SMYD4: variants seen among roughly 807,000 people sequenced by gnomAD.
SMYD4 encodes the protein protein-lysine N-methyltransferase SMYD4.
Under a neutral mutation model 72.8 loss-of-function variants are expected in SMYD4, and 68 were observed. The observed-to-expected ratio is 0.93, with a 90% CI of 0.77 to 1.14. The LOEUF is 1.14. SMYD4 is among the 50% of genes most tolerant of loss of function. The pLI, the probability that SMYD4 is intolerant of heterozygous loss-of-function variation, is 0.00. For missense variants in SMYD4, 984 were observed against 1,003.7 expected (o/e 0.98, Z 0.27); for synonymous variants, 407 against 388.6 (o/e 1.05, Z -0.56).
At chr17:1,796,440 G>T (rs1909416106) in intron 5 of SMYD4, among the ~76,000 whole-genome samples, 1 of 149,312 alleles carries the variant, frequency 6.7e-6, no homozygotes, top group Non-Finnish European at 1.5e-5. Flanking sequence ...CTGGCTTCAG[G>T]TATTCTTTTT....
intron 2 of SMYD4, among the ~76,000 whole-genome samples, chr17:1,814,089 T>C (rs1035828191): frequency 4.7e-4 from 72 of 152,102 alleles, no homozygotes; most frequent in African/African-American, 1.7e-3. Flanking sequence ...AGAGGGAAGA[T>C]TGCCTGAGCT....
chr17:1,815,308 C>T (rs547235198), intron 2 of SMYD4, among the ~76,000 whole-genome samples: 78 of 152,090 alleles, frequency 5.1e-4, no homozygotes, highest in African/African-American at 1.6e-3. Context: ...ATGATCCACC[C>T]GCCTTGGCCT....
At chr17:1,815,482 G>A (rs1035093206) in intron 2 of SMYD4, among the ~76,000 whole-genome samples, 1 of 149,616 alleles carries the variant, frequency 6.7e-6, no homozygotes, top group Non-Finnish European at 1.5e-5. Context: ...TTACAGGTGT[G>A]AGTCACTGCA....
At chr17:1,784,150 C>T (rs919401172) in intron 8 of SMYD4, among the ~76,000 whole-genome samples, 176 bp downstream of exon 8, 13 of 152,242 alleles carry the variant, frequency 8.5e-5, no homozygotes, top group Non-Finnish European at 1.2e-4. Context: ...AAGGGCCCCA[C>T]AGTAACAAAG....
Position 1,783,078 on chromosome 17 carries a change from T to G in SMYD4, c.2218A>C (p.Met740Leu). The change falls in exon 10 of 11, where the codon ATG (methionine) becomes CTG (leucine). Residue 740 changes from methionine to leucine, a missense_variant. Transcript: ENST00000305513. Reference sequence around the variant, plus strand: ...GCCAATTTGAAGAGCTCATGGCCCATTTCAACACTGGACGGCCCGTGGCGA... The same window carrying G: ...GCCAATTTGAAGAGCTCATGGCCCAGTTCAACACTGGACGGCCCGTGGCGA... ...EVRHGPSSVE[M>L]GHELFKLAQI... 6.2e-7 allele frequency: 1 copy of G among 1,614,182 alleles called. No individual in the cohort carries two copies. Among genetic ancestry groups the G allele is most frequent in the East Asian group, 2.2e-5 (1 of 44,880 alleles).
At chr17:1,814,125 G>A (rs147708420) in intron 2 of SMYD4, among the ~76,000 whole-genome samples, 321 of 151,830 alleles carry the variant, frequency 2.1e-3, no homozygotes, top group Middle Eastern at 0.01. Context: ...GGCAACATGG[G>A]AAGACCCTGT....
intron 5 of SMYD4, among the ~76,000 whole-genome samples, chr17:1,794,103 A>ATTTTTT (rs1909254322): frequency 1.4e-4 from 2 of 14,790 alleles, no homozygotes; most frequent in Non-Finnish European, 3.2e-4. Context: ...ATATATATAT[A>ATTTTTT]TATTTTTTTT....
chr17:1,787,246 G>A (rs570538414), intron 6 of SMYD4, among the ~76,000 whole-genome samples, 176 bp downstream of exon 6: 2 of 152,310 alleles, frequency 1.3e-5, no homozygotes, highest in East Asian at 3.9e-4. Context: ...TAGGGCCCTA[G>A]CACGAAGGCC....
intron 5 of SMYD4, among the ~76,000 whole-genome samples, chr17:1,794,642 T>G (rs1909293747): frequency 1.3e-5 from 2 of 152,076 alleles, no homozygotes; most frequent in African/African-American, 4.8e-5. Context: ...CTAATCCTTT[T>G]TGGGGGGCTG....
rs563107670 is a variant in SMYD4 at position 1,827,946 on chromosome 17, C to T, written c.49G>A (p.Ala17Thr). 2.2e-4 allele frequency: 363 copies of T among 1,613,452 alleles called. 6 individuals are homozygous for T. In the South Asian group the frequency reaches 3.6e-3, roughly 16 times the overall value. The change falls in exon 2 of 11, where the codon GCT becomes ACT. Residue 17 changes from alanine (A) to threonine (T), a missense_variant. Ala to Thr is a moderately conservative substitution (Grantham distance 58). Coordinates refer to ENST00000305513, the MANE Select transcript of SMYD4 (RefSeq NM_052928.3). ...EWKSYLLQKW[A>T]SLPTSVQVTI... ...ACCTGAACAGACGTCGGGAGTGAAG[C>T]CCACTTTTGAAGCAGATATGATTTC... is the stretch of plus-strand genomic sequence containing the variant.
intron 3 of SMYD4, among the ~76,000 whole-genome samples, chr17:1,806,893 G>T (rs1910059395): frequency 1.3e-5 from 2 of 151,904 alleles, no homozygotes; most frequent in South Asian, 2.1e-4. Flanking sequence ...ACATACAAGG[G>T]TTTTTTTCTT....
At chr17:1,828,851 C>T (rs1911354559) in intron 1 of SMYD4, among the ~76,000 whole-genome samples, 1 of 152,090 alleles carries the variant, frequency 6.6e-6, no homozygotes, top group South Asian at 2.1e-4. Context: ...CCAGCCTTGG[C>T]CTCCCAAAGC....
intron 2 of SMYD4, among the ~76,000 whole-genome samples, chr17:1,820,253 T>C (rs1910823362): frequency 6.6e-6 from 1 of 151,450 alleles, no homozygotes; most frequent in Admixed American, 6.6e-5. Flanking sequence ...TTTTTTGTTG[T>C]TTTTGATCCA....
chr17:1,807,939 T>G (rs1207128135), intron 3 of SMYD4, among the ~76,000 whole-genome samples: 1 of 151,988 alleles, frequency 6.6e-6, no homozygotes, highest in African/African-American at 2.4e-5. Flanking sequence ...ATGAACAGAT[T>G]CCCTCCTCAC....
intron 5 of SMYD4, among the ~76,000 whole-genome samples, chr17:1,794,027 ATATATATATGTATG>A (rs1909218986): frequency 1.7e-5 from 1 of 58,312 alleles, no homozygotes; most frequent in East Asian, 3.9e-4. Context: ...ATATGTGTGT[ATATATATATGTATG>A]TATATATATA....
chr17:1,798,889 T>G (rs575975104), intron 5 of SMYD4, among the ~76,000 whole-genome samples: 1 of 137,130 alleles, frequency 7.3e-6, no homozygotes, highest in African/African-American at 3.0e-5. Flanking sequence ...AGAGCAAGAC[T>G]CTGTCTCAAA....
At chr17:1,814,591 C>T (rs1357694404) in intron 2 of SMYD4, 1 of 151,948 alleles carries the variant, frequency 6.6e-6, no homozygotes, top group Non-Finnish European at 1.5e-5. Context: ...TCTGGGAGGC[C>T]GAGGTGGGCA....
chr17:1,824,895 G>A (rs952690224), intron 2 of SMYD4, among the ~76,000 whole-genome samples: 1 of 152,058 alleles, frequency 6.6e-6, no homozygotes, highest in Non-Finnish European at 1.5e-5. Flanking sequence ...AAAGCGCTGC[G>A]ATTACAGGCG....
intron 5 of SMYD4, among the ~76,000 whole-genome samples, chr17:1,798,161 C>T (rs1175707613): frequency 1.3e-5 from 2 of 148,632 alleles, no homozygotes; most frequent in Non-Finnish European, 3.0e-5. Flanking sequence ...TCTCTTGAGA[C>T]AGGGTTTCAC....
Sources: allele counts gnomAD v4.1 joint callset (sites outside exome capture counted in the v4.1 genomes callset), GRCh38; gene constraint gnomAD v4.1.1; transcripts MANE v1.5; gene names NCBI Gene and HGNC (gene_info 2026-07-23, HGNC 2026-07-21).